Variants in DOP1A observed in about 807,000 individuals in gnomAD.
DOP1A encodes protein DOP1A.
Under a neutral mutation model 267.6 loss-of-function variants are expected in DOP1A, and 90 were observed. That is an observed-to-expected ratio of 0.34 (90% CI 0.28 to 0.40). DOP1A has a LOEUF of 0.40. Ranked by LOEUF, DOP1A falls within the 10% of genes least tolerant of loss-of-function variation. The pLI, the probability that DOP1A is intolerant of heterozygous loss-of-function variation, is 1.00. For synonymous variants in DOP1A, 932 were observed against 999.1 expected, an observed-to-expected ratio of 0.93 and a Z score of 1.27; for missense variants, 2,437 against 2,900.4, an observed-to-expected ratio of 0.84 and a Z score of 3.67.
At chr6:83,079,204 A>G (rs1767656695) in intron 1 of DOP1A, among the ~76,000 whole-genome samples, 1 of 152,214 alleles carries the variant, frequency 6.6e-6, no homozygotes, top group Admixed American at 6.5e-5. Context: ...ATCTTTAAAT[A>G]AAAGTACTCA....
chr6:83,132,586 A>G (rs1778245829), intron 18 of DOP1A, among the ~76,000 whole-genome samples: 1 of 152,152 alleles, frequency 6.6e-6, no homozygotes, highest in Non-Finnish European at 1.5e-5. Context: ...TTTGTTCAAG[A>G]CACAGTTATG....
chr6:83,118,807 A>G (rs1775881581), intron 7 of DOP1A, 81 bp from the exon 8 acceptor site: 1 of 1,204,048 alleles, frequency 8.3e-7, no homozygotes. Flanking sequence ...TTCTAAGCAT[A>G]TTTCAGGGCA....
At chr6:83,117,333 G>A (rs1775625460) in intron 7 of DOP1A, among the ~76,000 whole-genome samples, 3 of 151,732 alleles carry the variant, frequency 2.0e-5, no homozygotes, top group Non-Finnish European at 4.4e-5. Flanking sequence ...TGTAATTTTA[G>A]TAGAGATGGG....
intron 17 of DOP1A, 134 bp downstream of exon 17, chr6:83,130,531 G>C: frequency 1.7e-5 from 19 of 1,123,396 alleles, no homozygotes; most frequent in Non-Finnish European, 2.3e-5. Flanking sequence ...GCCATACCAT[G>C]TAGAAAATGA....
At chr6:83,094,032 A>G (rs1033534896) in intron 1 of DOP1A, among the ~76,000 whole-genome samples, 1 of 151,246 alleles carries the variant, frequency 6.6e-6, no homozygotes, top group South Asian at 2.1e-4. Context: ...GAAACCCTAT[A>G]TTCATTTTGA....
intron 26 of DOP1A, among the ~76,000 whole-genome samples, chr6:83,148,414 A>C (rs1261056468): frequency 3.3e-5 from 5 of 150,492 alleles, no homozygotes; most frequent in African/African-American, 4.9e-5. Context: ...ACTCCATCTC[A>C]AAAAAAAAGA....
intron 18 of DOP1A, among the ~76,000 whole-genome samples, chr6:83,133,100 G>A (rs1300124788): frequency 6.6e-6 from 1 of 151,962 alleles, no homozygotes. Flanking sequence ...ATATGAAGGA[G>A]TAAATGAAAG....
Position 83,139,037 on chromosome 6 carries a change from ATCTAC to A in DOP1A, c.4999_5003del (p.Thr1667AlafsTer24). 1 of 1,614,088 alleles carries A rather than the reference ATCTAC, an allele frequency of 6.2e-7. No individual in the cohort carries two copies. The highest frequency in any genetic ancestry group is 2.2e-5 in the East Asian group (1 of 44,884). On this transcript the variant is annotated frameshift_variant, in exon 21 of 39. Transcript: ENST00000349129. LOFTEE classifies it high-confidence loss of function. ...ACCCACAATGGATTGGTTTAATCAC[ATCTAC>A]TCTGCCTTACATGGGAAAAGTTCTG...
chr6:83,135,165 A>G (rs1331942224), intron 19 of DOP1A, among the ~76,000 whole-genome samples: 1 of 152,136 alleles, frequency 6.6e-6, no homozygotes, highest in Non-Finnish European at 1.5e-5. Flanking sequence ...TCTGATTCCA[A>G]ACCACACTTT....
intron 3 of DOP1A, 92 bp downstream of exon 3, chr6:83,097,207 G>A: frequency 1.4e-6 from 2 of 1,390,114 alleles, no homozygotes; most frequent in Admixed American, 2.1e-5. Flanking sequence ...AAGTAAGAAT[G>A]CAAAAACATA....
At chr6:83,129,586 C>T (rs1777710527) in intron 16 of DOP1A, 78 bp downstream of exon 16, 3 of 1,337,966 alleles carry the variant, frequency 2.2e-6, no homozygotes, top group Non-Finnish European at 2.9e-6. Flanking sequence ...GCACTCAAAA[C>T]TGGGGTTTTT....
intron 17 of DOP1A, 101 bp from the exon 18 acceptor site, chr6:83,132,075 A>G: frequency 1.5e-6 from 2 of 1,371,300 alleles, no homozygotes; most frequent in South Asian, 2.8e-5. Context: ...AAAGCCTTTC[A>G]GGTCTGACAG....
At chr6:83,146,736 T>G (rs1326396704) in intron 25 of DOP1A, among the ~76,000 whole-genome samples, 2 of 152,192 alleles carry the variant, frequency 1.3e-5, no homozygotes, top group Non-Finnish European at 2.9e-5. Context: ...AGGGCAGGTG[T>G]TTTATTTTTA....
In DOP1A at chr6:83,125,330, A is replaced by G. The variant is rs551178841; in HGVS notation, c.1485+135A>G. ...GAAGTATTTAAATTGAGAATTTGGG[A>G]ATAGAAATTTTATAAGGCATCAGTA... On this transcript the variant is annotated intron_variant, in intron 14 of 38. Coordinates refer to ENST00000349129, the MANE Select transcript of DOP1A (RefSeq NM_015018.4). 1.1e-5 allele frequency: 12 copies of G among 1,133,318 alleles called. No individual in the cohort carries two copies. The East Asian group carries it at 3.1e-4, about 29-fold the overall frequency. The allele number at this position is 1,133,318 out of a possible 1,614,324, so 70.2% of individuals were successfully genotyped here.
At chr6:83,108,096 A>AT (rs2128167788) in intron 4 of DOP1A, among the ~76,000 whole-genome samples, 1 of 152,302 alleles carries the variant, frequency 6.6e-6, no homozygotes, top group Admixed American at 6.5e-5. Flanking sequence ...TGGAGATACA[A>AT]TTTGTTATAT....
intron 1 of DOP1A, among the ~76,000 whole-genome samples, chr6:83,079,539 G>C (rs979772371): frequency 9.9e-5 from 15 of 152,026 alleles, no homozygotes; most frequent in Admixed American, 9.2e-4. Context: ...GTAAAAACCA[G>C]TCTTTATTTG....
chr6:83,164,678 AAG>A (rs1238269460), intron 38 of DOP1A: 1 of 1,585,628 alleles, frequency 6.3e-7, no homozygotes, highest in South Asian at 1.2e-5. Context: ...GGAGGACTTT[AAG>A]ACAGTGATTT....
At chr6:83,104,171 T>C (rs1467655190) in intron 4 of DOP1A, among the ~76,000 whole-genome samples, 2 of 152,206 alleles carry the variant, frequency 1.3e-5, no homozygotes, top group Non-Finnish European at 2.9e-5. Flanking sequence ...AGACACTTTG[T>C]CAAGTTCACT....
intron 25 of DOP1A, among the ~76,000 whole-genome samples, 157 bp from the exon 26 acceptor site, chr6:83,147,079 G>C (rs1447469029): frequency 6.6e-6 from 1 of 152,054 alleles, no homozygotes; most frequent in Non-Finnish European, 1.5e-5. Flanking sequence ...CCTACTGAGT[G>C]GAAGAGAACT....
Sources: allele counts gnomAD v4.1 joint callset (sites outside exome capture counted in the v4.1 genomes callset), GRCh38; gene constraint gnomAD v4.1.1; transcripts MANE v1.5; gene names NCBI Gene and HGNC (gene_info 2026-07-23, HGNC 2026-07-21).